Variants in EMP2 observed in about 807,000 individuals in gnomAD.
The protein encoded by EMP2 is epithelial membrane protein 2.
EMP2 carries 19 observed loss-of-function variants against 13.7 expected under a neutral mutation model. The ratio of observed to expected loss-of-function variants is 1.38; its 90% confidence interval spans 0.97 to 2.03. The LOEUF is 2.03. Ranked by LOEUF, EMP2 falls within the 30% of genes most tolerant of loss-of-function variation. The pLI is 0.00. For synonymous variants in EMP2, 97 were observed against 84.7 expected (o/e 1.15, Z -0.80); for missense variants, 253 against 220.7 (o/e 1.15, Z -0.93).
At chr16:10,563,919 C>A (rs1333064272) in intron 1 of EMP2, among the ~76,000 whole-genome samples, 4 of 152,216 alleles carry the variant, frequency 2.6e-5, no homozygotes, top group Non-Finnish European at 5.9e-5. Context: ...CAAATTGGGG[C>A]TTCACCCAGG....
At chr16:10,553,297 T>C (rs577951067) in intron 1 of EMP2, among the ~76,000 whole-genome samples, 49 of 152,320 alleles carry the variant, frequency 3.2e-4, no homozygotes, top group African/African-American at 1.0e-3. Context: ...CTTCCAGAGA[T>C]ATTGATTGCG....
chr16:10,571,161 G>A (rs1308849035), intron 1 of EMP2, among the ~76,000 whole-genome samples: 1 of 148,644 alleles, frequency 6.7e-6, no homozygotes, highest in Non-Finnish European at 1.5e-5. Flanking sequence ...GGAGGCTTAG[G>A]CAGGAGAATC....
chr16:10,555,350 T>G (rs1414488166), intron 1 of EMP2, among the ~76,000 whole-genome samples: 1 of 152,142 alleles, frequency 6.6e-6, no homozygotes, highest in Non-Finnish European at 1.5e-5. Context: ...AGCAGAACAT[T>G]CTAAAAGGCC....
At chr16:10,550,701 A>G (rs1270328903) in intron 1 of EMP2, among the ~76,000 whole-genome samples, 1 of 152,068 alleles carries the variant, frequency 6.6e-6, no homozygotes, top group African/African-American at 2.4e-5. Flanking sequence ...AAGGCTGGGC[A>G]TGGTGCCTCA....
chr16:10,573,156 C>T (rs2050959412), intron 1 of EMP2, among the ~76,000 whole-genome samples: 1 of 152,144 alleles, frequency 6.6e-6, no homozygotes, highest in Admixed American at 6.5e-5. Context: ...CTCAAGCGAT[C>T]CTCCCACCTC....
intron 4 of EMP2, among the ~76,000 whole-genome samples, chr16:10,534,934 G>A (rs2050635737): frequency 6.6e-6 from 1 of 152,170 alleles, no homozygotes; most frequent in African/African-American, 2.4e-5. Flanking sequence ...GGGGCCAAGC[G>A]CGTAGACAAT....
rs878927571 is a variant in EMP2 at position 10,532,758 on chromosome 16, C to CTTTTTT, written c.*141_*146dup. 6.5e-3 allele frequency: 1,205 copies of CTTTTTT among 184,310 alleles called. 1 individual carries two copies. The highest frequency in any genetic ancestry group is 0.012 in the Admixed American group (75 of 6,510). The allele number at this position is 184,310 out of a possible 1,614,324, so 11.4% of individuals were successfully genotyped here. On this transcript the variant is annotated 3_prime_UTR_variant, in exon 5 of 5. Transcript: ENST00000359543. ...CTTTTGGATTTTTTTTTTCTTTTTT[C>CTTTTTT]TTTTTTTTTTTTTTTTTTTTTTTTT...
At chr16:10,561,776 T>C (rs1472867210) in intron 1 of EMP2, among the ~76,000 whole-genome samples, 1 of 152,188 alleles carries the variant, frequency 6.6e-6, no homozygotes, top group Admixed American at 6.5e-5. Context: ...ACGTCTTCCT[T>C]ATAGATGGTG....
intron 1 of EMP2, among the ~76,000 whole-genome samples, chr16:10,570,832 T>C (rs542103908): frequency 6.6e-6 from 1 of 151,584 alleles, no homozygotes; most frequent in Admixed American, 6.6e-5. Flanking sequence ...TGAGCCACCA[T>C]GCCTGGCCTG....
chr16:10,559,377 C>T (rs1008446403), intron 1 of EMP2, among the ~76,000 whole-genome samples: 1 of 152,256 alleles, frequency 6.6e-6, no homozygotes, highest in Non-Finnish European at 1.5e-5. Context: ...CCGCCCAGCT[C>T]CATGCTCACT....
intron 3 of EMP2, among the ~76,000 whole-genome samples, chr16:10,542,944 C>T (rs1408465462): frequency 6.6e-6 from 1 of 152,248 alleles, no homozygotes; most frequent in African/African-American, 2.4e-5. Context: ...CTCCTGGATT[C>T]AAGCAATTCT....
rs1026594945 is a variant in EMP2 at position 10,531,793 on chromosome 16, T to C, written c.*1112A>G. On this transcript the variant is annotated 3_prime_UTR_variant, in exon 5 of 5. Transcript: ENST00000359543. ...AATGAATGAATGAATGAATGAATGG[T>C]GGATGGGTCCTCTGAGGCTCTAGAA... is the stretch of plus-strand genomic sequence containing the variant. 2 of 153,018 alleles carry C rather than the reference T, an allele frequency of 1.3e-5. No homozygotes were observed. Among genetic ancestry groups the C allele is most frequent in the Non-Finnish European group, 3.0e-5 (2 of 67,634 alleles). The allele number at this position is 153,018 out of a possible 1,614,324, so 9.5% of individuals were successfully genotyped here.
At chr16:10,541,709 T>C (rs2354411) in intron 3 of EMP2, among the ~76,000 whole-genome samples, 1 of 151,864 alleles carries the variant, frequency 6.6e-6, no homozygotes, top group Non-Finnish European at 1.5e-5. Flanking sequence ...GGAGCACCGA[T>C]GGTGTTCCGT....
intron 1 of EMP2, among the ~76,000 whole-genome samples, chr16:10,563,576 C>T (rs1010258208): frequency 3.3e-5 from 5 of 152,154 alleles, no homozygotes; most frequent in Admixed American, 6.5e-5. Context: ...ACATCACTGT[C>T]GACAACTCAG....
intron 1 of EMP2, among the ~76,000 whole-genome samples, chr16:10,548,327 G>C (rs1446959218): frequency 6.6e-6 from 1 of 152,138 alleles, no homozygotes; most frequent in Non-Finnish European, 1.5e-5. Context: ...CCTGATCAGA[G>C]CCCCTACTTC....
intron 2 of EMP2, among the ~76,000 whole-genome samples, 178 bp from the exon 3 acceptor site, chr16:10,543,838 G>A (rs2050719764): frequency 6.6e-6 from 1 of 152,096 alleles, no homozygotes; most frequent in Non-Finnish European, 1.5e-5. Flanking sequence ...GTGGGGACTG[G>A]GATTCTGCAT....
intron 1 of EMP2, among the ~76,000 whole-genome samples, chr16:10,563,281 TC>T (rs2050885329): frequency 6.6e-6 from 1 of 152,166 alleles, no homozygotes; most frequent in Non-Finnish European, 1.5e-5. Flanking sequence ...AACCTCTGTC[TC>T]CTGCATTCAA....
intron 1 of EMP2, among the ~76,000 whole-genome samples, chr16:10,562,971 T>C (rs1172598478): frequency 6.6e-6 from 1 of 152,286 alleles, no homozygotes; most frequent in African/African-American, 2.4e-5. Flanking sequence ...AGAGGGTTAA[T>C]GATATACCTA....
intron 4 of EMP2, among the ~76,000 whole-genome samples, chr16:10,533,358 G>C (rs527247251): frequency 2.8e-4 from 43 of 152,182 alleles, no homozygotes; most frequent in African/African-American, 1.0e-3. Context: ...ATTATTAATA[G>C]GTATTTATTT....
Sources: gnomAD v4.1 joint callset for allele counts (sites outside exome capture counted in the v4.1 genomes callset) on GRCh38, gnomAD v4.1.1 for gene constraint, MANE v1.5 for transcripts, NCBI Gene and HGNC (gene_info 2026-07-23, HGNC 2026-07-21) for gene names.